Variants in SCN9A observed in about 807,000 individuals in gnomAD.
The protein encoded by SCN9A is sodium voltage-gated channel alpha subunit 9.
Under a neutral mutation model 187.0 loss-of-function variants are expected in SCN9A, and 131 were observed. That is an observed-to-expected ratio of 0.70 (90% CI 0.61 to 0.81). The LOEUF (loss-of-function observed/expected upper bound fraction) is 0.81, where lower values mean the gene tolerates loss of function less well. SCN9A is among the 30% of genes least tolerant of loss of function. The probability of loss-of-function intolerance (pLI) is 0.00; values close to 1 mark genes in which losing one functional copy is unlikely to be tolerated. For synonymous variants in SCN9A, 809 were observed against 808.6 expected, an observed-to-expected ratio of 1.00 and a Z score of -0.01; for missense variants, 2,252 against 2,396.6, an observed-to-expected ratio of 0.94 and a Z score of 1.26.
At position 166,294,602 on chromosome 2, in the gene SCN9A, G is replaced by T. The variant is rs1180358842; in HGVS notation, c.962C>A (p.Ser321Ter). 6.2e-7 allele frequency: 1 copy of T among 1,607,730 alleles called. No homozygotes were observed. Among genetic ancestry groups the T allele is most frequent in the African/African-American group, 1.3e-5 (1 of 74,854 alleles). ...AAAGAAAACAAATATTACATACCCT[G>T]AATCTGTGCTGAAACCACAAAGGAG... ...DALLCGFSTDSGQCPEGYTCV... is the reference protein window; with the variant it reads ...DALLCGFSTD Residue 321 changes from serine (S) to a stop codon, truncating the protein, a stop_gained, in exon 8 of 27, where the codon TCA (serine) becomes TAA (stop). Transcript: ENST00000642356. LOFTEE classifies it high-confidence loss of function.
At chr2:166,214,978 T>A (rs1487241773) in intron 24 of SCN9A, among the ~76,000 whole-genome samples, 1 of 152,116 alleles carries the variant, frequency 6.6e-6, no homozygotes, top group African/African-American at 2.4e-5. Context: ...GAACAGTTCA[T>A]CCAACAGCAA....
chr2:166,199,282 C>T lies in SCN9A; in HGVS notation c.5357G>A (p.Trp1786Ter). The T allele has an allele frequency of 3.7e-6, 6 of 1,614,140 alleles. No homozygotes were observed. Among genetic ancestry groups the T allele is most frequent in the Non-Finnish European group, 5.1e-6 (6 of 1,180,040 alleles). The change falls in exon 27 of 27, where the codon TGG becomes TAG. Residue 1786 changes from tryptophan to a stop codon, truncating the protein, a stop_gained. Transcript: ENST00000642356. LOFTEE classifies it high-confidence loss of function. ...EDDFEMFYEV[W>*]EKFDPDATQF... The stretch of plus-strand genomic sequence containing the variant: ...GGTCGCATCGGGATCAAACTTCTCC[C>T]AAACCTCATAGAACATCTCAAAGTC...
rs78144289 is a variant in SCN9A, at chr2:166,267,365, T to C, written c.3351+5034A>G. On this transcript the variant is annotated intron_variant, in intron 17 of 26. Transcript: ENST00000642356. ...ATATAATATAGAAAGTTTATTGTTC[T>C]GCAAATGTTGAAACATCTTTGCATC... 3.2e-3 allele frequency among the ~76,000 whole-genome samples: 490 copies of C among 152,178 alleles called. 3 individuals are homozygous for C. Among genetic ancestry groups the C allele is most frequent in the African/African-American group, 0.011 (467 of 41,582 alleles).
Position 166,303,315 on chromosome 2 carries a change from GAA to G in SCN9A, c.689-15_689-14del. ...ATTGTCTTCAGGCCTGAAAATGGGA[GAA>G]AAAAGTGTTTGTAATGACATAAAGC... is the stretch of plus-strand genomic sequence containing the variant. On this transcript the variant is annotated splice_polypyrimidine_tract_variant and intron_variant, in intron 6 of 26. Coordinates refer to ENST00000642356, the MANE Select transcript of SCN9A (RefSeq NM_001365536.1). 1 of 1,599,968 alleles carries G rather than the reference GAA, an allele frequency of 6.3e-7. No individual in the cohort carries two copies. The highest frequency in any genetic ancestry group is 1.4e-5 in the African/African-American group (1 of 74,008).
At chr2:166,278,634 A>G (rs1438983281) in intron 14 of SCN9A, among the ~76,000 whole-genome samples, 2 of 152,312 alleles carry the variant, frequency 1.3e-5, no homozygotes, top group Non-Finnish European at 2.9e-5. Flanking sequence ...CAAAGAATTT[A>G]TGTGGGTCAA....
At chr2:166,207,503 C>CCAT (rs1693869015) in intron 24 of SCN9A, among the ~76,000 whole-genome samples, 1 of 151,854 alleles carries the variant, frequency 6.6e-6, no homozygotes, top group South Asian at 2.1e-4. Flanking sequence ...TGCAGTGCCA[C>CCAT]CATCTTGGCT....
At chr2:166,274,809 C>A (rs1697160540) in intron 16 of SCN9A, among the ~76,000 whole-genome samples, 1 of 152,196 alleles carries the variant, frequency 6.6e-6, no homozygotes, top group South Asian at 2.1e-4. Context: ...AACTCTCACA[C>A]CAGTGTCCAT....
In SCN9A at chr2:166,238,183, T is replaced by C. The variant is rs1558973382; in HGVS notation, c.3712A>G (p.Ile1238Val). ...ATCCATTTTAGAAGCATTTCCAGAA[T>C]GAAGATGTAAGTGAAGATCTTGTCT... is the stretch of plus-strand genomic sequence containing the variant. ...YADKIFTYIF[I>V]LEMLLKWIAY... Residue 1238 changes from isoleucine (I) to valine (V), a missense_variant, in exon 20 of 27, where the codon ATT becomes GTT. Transcript: ENST00000642356. 4 of 1,608,538 alleles carry C rather than the reference T, an allele frequency of 2.5e-6. No individual in the cohort carries two copies. Among genetic ancestry groups the C allele is most frequent in the Non-Finnish European group, 2.6e-6 (3 of 1,176,284 alleles).
At chr2:166,249,113 T>C (rs1386435499) in intron 18 of SCN9A, among the ~76,000 whole-genome samples, 4 of 152,078 alleles carry the variant, frequency 2.6e-5, no homozygotes. Flanking sequence ...CCTCCATATA[T>C]TTGCACGGCC....
In SCN9A at chr2:166,277,062, A is replaced by G. The variant is rs778218101; in HGVS notation, c.2795T>C (p.Met932Thr). The G allele has an allele frequency of 1.1e-5, 17 of 1,613,978 alleles. No individual in the cohort carries two copies. In the Admixed American group the frequency reaches 1.2e-4, roughly 11 times the overall value. ...ACCAGCGACCTCCATACAGTCCCAC[A>G]TGGTCTCTATCCACTCTCCACACAG... ...RVLCGEWIET[M>T]WDCMEVAGQA... Residue 932 changes from methionine to threonine, a missense_variant, in exon 16 of 27, where the codon ATG becomes ACG. Physicochemically the swap from Met to Thr is moderately conservative, Grantham distance 81. Around this residue, in one of 7 missense-constraint regions of SCN9A, gnomAD observed 119 missense variants for 188.7 expected, o/e 0.63. Transcript: ENST00000642356.
chr2:166,324,087 C>A (rs1481938246), intron 1 of SCN9A, among the ~76,000 whole-genome samples: 1 of 151,552 alleles, frequency 6.6e-6, no homozygotes, highest in Non-Finnish European at 1.5e-5. Flanking sequence ...TTTTGCATTC[C>A]ATCACTGAGC....
At chr2:166,349,974 C>CA (rs1331917116) in intron 1 of SCN9A, among the ~76,000 whole-genome samples, 3 of 134,514 alleles carry the variant, frequency 2.2e-5, no homozygotes, top group East Asian at 2.0e-4. Context: ...CTCCCTCTCA[C>CA]AAAAAAAATA....
At chr2:166,273,031 A>G (rs954735068) in intron 16 of SCN9A, among the ~76,000 whole-genome samples, 156 bp from the exon 17 acceptor site, 7 of 152,070 alleles carry the variant, frequency 4.6e-5, no homozygotes, top group African/African-American at 1.7e-4. Context: ...CACATGAGAG[A>G]GACAGAGGCG....
chr2:166,267,386 G>C (rs1363795625), intron 17 of SCN9A, among the ~76,000 whole-genome samples: 1 of 151,880 alleles, frequency 6.6e-6, no homozygotes, highest in Non-Finnish European at 1.5e-5. Context: ...AAACATCTTT[G>C]CATCCCTGGG....
chr2:166,295,573 A>G (rs1698263050), intron 7 of SCN9A, among the ~76,000 whole-genome samples: 1 of 152,192 alleles, frequency 6.6e-6, no homozygotes, highest in Admixed American at 6.5e-5. Context: ...GAAAAGGTAC[A>G]GTAAAAAAAT....
chr2:166,301,264 C>G (rs1045388310), intron 7 of SCN9A: 14 of 150,584 alleles, frequency 9.3e-5, no homozygotes, highest in Admixed American at 6.6e-4. Context: ...GCATTCTAAT[C>G]TATTAGTATA....
chr2:166,278,719 A>G (rs950672587), intron 14 of SCN9A, among the ~76,000 whole-genome samples: 1 of 152,008 alleles, frequency 6.6e-6, no homozygotes, highest in African/African-American at 2.4e-5. Flanking sequence ...TTTTTTTCTG[A>G]TCTGACTACT....
chr2:166,355,504 G>C (rs940093332), intron 1 of SCN9A, among the ~76,000 whole-genome samples: 2 of 151,484 alleles, frequency 1.3e-5, no homozygotes, highest in Admixed American at 1.3e-4. Flanking sequence ...GTTTGCCAAG[G>C]GATTGTGTGT....
chr2:166,311,330 CTATATATATATATA>C (rs10688081), intron 2 of SCN9A, among the ~76,000 whole-genome samples, 155 bp downstream of exon 2: 44 of 46,722 alleles, frequency 9.4e-4, no homozygotes, highest in South Asian at 5.3e-3. Context: ...TCTGAATATC[CTATATATATATATA>C]TATATATATA....
Sources: allele counts gnomAD v4.1 joint callset (sites outside exome capture counted in the v4.1 genomes callset), GRCh38; gene constraint gnomAD v4.1.1; regional missense constraint gnomAD v4.1.1; transcripts MANE v1.5; gene names NCBI Gene and HGNC (gene_info 2026-07-23, HGNC 2026-07-21).